SPIDR: variants seen among roughly 807,000 people sequenced by gnomAD.
SPIDR encodes scaffold protein involved in DNA repair, also known as DNA repair-scaffolding protein.
In SPIDR, 93 loss-of-function variants were observed where a neutral mutation model predicts 104.6. The observed-to-expected ratio is 0.89, with a 90% CI of 0.75 to 1.06. The LOEUF is 1.06. Among genes scored for constraint, SPIDR ranks in the 50% least tolerant of loss-of-function variants. The pLI is 0.00. For missense variants in SPIDR, 1,154 were observed against 1,111.2 expected (o/e 1.04, Z -0.55); for synonymous variants, 431 against 416.9 (o/e 1.03, Z -0.41).
chr8:47,735,991 A>C lies in SPIDR; in HGVS notation c.*541A>C, dbSNP rs1397555347. 9.7e-6 allele frequency: 2 copies of C among 205,628 alleles called. No homozygotes were observed. The highest frequency in any genetic ancestry group is 2.7e-4 in the East Asian group (2 of 7,282). 12.7% of individuals were successfully genotyped at this position (205,628 alleles called of 1,614,324 possible). A position where few individuals can be genotyped will look rare whatever the true frequency, so the allele number is the denominator to read the frequency against. ...GGTGAAACTGTTACCCATAAAGTGT[A>C]GCTCTCTGAACTGGTGTGATCGTGT... On this transcript the variant is annotated 3_prime_UTR_variant, in exon 20 of 20. Transcript: ENST00000297423.
chr8:47,695,587 A>T (rs980890472), intron 11 of SPIDR, among the ~76,000 whole-genome samples: 1 of 152,236 alleles, frequency 6.6e-6, no homozygotes, highest in Non-Finnish European at 1.5e-5. Context: ...ATGAGACAGT[A>T]TCAGATGGAA....
At chr8:47,511,676 G>C in intron 8 of SPIDR, 1 of 860,906 alleles carries the variant, frequency 1.2e-6, no homozygotes, top group Non-Finnish European at 2.0e-6. Context: ...GCTGCCCCAA[G>C]GCCATAGCCA....
chr8:47,417,673 G>C (rs1205409707), intron 7 of SPIDR, among the ~76,000 whole-genome samples: 8 of 152,154 alleles, frequency 5.3e-5, no homozygotes, highest in Admixed American at 3.9e-4. Flanking sequence ...ATTGCTTTTG[G>C]TGTTTTAGAC....
At chr8:47,625,330 A>T (rs2065884860) in intron 10 of SPIDR, among the ~76,000 whole-genome samples, 1 of 152,206 alleles carries the variant, frequency 6.6e-6, no homozygotes, top group Non-Finnish European at 1.5e-5. Flanking sequence ...CTGGCACAAG[A>T]CAGGGATGCC....
At chr8:47,268,768 T>A (rs374704698) in intron 1 of SPIDR, among the ~76,000 whole-genome samples, 4,538 of 152,234 alleles carry the variant, frequency 0.03, 216 homozygotes, top group African/African-American at 0.1. Flanking sequence ...TCCATTGATT[T>A]TTTTAAATAT....
chr8:47,627,741 G>C (rs2066421065), intron 10 of SPIDR, among the ~76,000 whole-genome samples: 1 of 151,858 alleles, frequency 6.6e-6, no homozygotes, highest in African/African-American at 2.4e-5. Flanking sequence ...TGCACACTCT[G>C]TTCAGTAAAC....
At chr8:47,633,221 A>C (rs1315731377) in intron 10 of SPIDR, among the ~76,000 whole-genome samples, 2 of 152,206 alleles carry the variant, frequency 1.3e-5, no homozygotes, top group African/African-American at 4.8e-5. Flanking sequence ...GTCTGTAATC[A>C]GGAGTTAGGC....
intron 8 of SPIDR, among the ~76,000 whole-genome samples, chr8:47,520,125 A>T (rs1204771613): frequency 6.6e-6 from 1 of 152,186 alleles, no homozygotes; most frequent in Non-Finnish European, 1.5e-5. Flanking sequence ...CTGTTATTTG[A>T]TTCCCACTTA....
intron 10 of SPIDR, among the ~76,000 whole-genome samples, chr8:47,647,616 A>AAGAG (rs369414271): frequency 0.022 from 1,328 of 60,458 alleles, 29 homozygotes; most frequent in Middle Eastern, 0.078. Context: ...TCCATCTCGA[A>AAGAG]AGAGAGAGAG....
rs189680255 is a variant in SPIDR, at chr8:47,322,829, A to G, written c.525+28799A>G. ...TGGAAACCATCATTCTCAGCAAACT[A>G]TCAGAAGGACAAAAAACCAAACAGC... is the stretch of plus-strand genomic sequence containing the variant. On this transcript the variant is annotated intron_variant, in intron 5 of 19. Transcript: ENST00000297423. Among the ~76,000 whole-genome samples the G allele has an allele frequency of 3.6e-3, 543 of 152,240 alleles. 7 individuals are homozygous for G. The highest frequency in any genetic ancestry group is 0.012 in the African/African-American group (515 of 41,542).
intron 5 of SPIDR, among the ~76,000 whole-genome samples, chr8:47,364,321 T>A (rs1026322549): frequency 2.0e-5 from 3 of 152,214 alleles, no homozygotes; most frequent in Non-Finnish European, 2.9e-5. Flanking sequence ...TTGACCTGTA[T>A]TCTGCAGCTG....
intron 5 of SPIDR, among the ~76,000 whole-genome samples, chr8:47,359,800 C>G (rs1205718737): frequency 2.0e-5 from 3 of 152,150 alleles, no homozygotes; most frequent in Non-Finnish European, 2.9e-5. Flanking sequence ...CTGCCAGCCT[C>G]TTTCTCTTAA....
intron 8 of SPIDR, among the ~76,000 whole-genome samples, chr8:47,567,530 A>G (rs938509987): frequency 6.6e-6 from 1 of 152,074 alleles, no homozygotes; most frequent in Admixed American, 6.6e-5. Context: ...GAGGATAAAC[A>G]ATATTTCTGA....
intron 7 of SPIDR, among the ~76,000 whole-genome samples, chr8:47,413,566 T>C (rs1262272638): frequency 2.0e-5 from 3 of 152,266 alleles, no homozygotes; most frequent in African/African-American, 7.2e-5. Context: ...TGAATTTTGC[T>C]GATGTTATTA....
intron 14 of SPIDR, among the ~76,000 whole-genome samples, chr8:47,708,903 G>A (rs1389340748): frequency 6.6e-6 from 1 of 151,820 alleles, no homozygotes; most frequent in East Asian, 1.9e-4. Flanking sequence ...ACATAGTTCA[G>A]TTTAGTTATT....
At chr8:47,676,805 C>T (rs1247189432) in intron 11 of SPIDR, among the ~76,000 whole-genome samples, 1 of 152,214 alleles carries the variant, frequency 6.6e-6, no homozygotes, top group Non-Finnish European at 1.5e-5. Context: ...TGTTGAATGG[C>T]TGTGTTGCAG....
intron 5 of SPIDR, among the ~76,000 whole-genome samples, chr8:47,342,164 A>T (rs1193793878): frequency 1.3e-5 from 2 of 152,022 alleles, no homozygotes; most frequent in African/African-American, 4.8e-5. Context: ...GTTTATCGTC[A>T]TATGGAATTG....
At chr8:47,545,363 C>G (rs2089168965) in intron 8 of SPIDR, among the ~76,000 whole-genome samples, 1 of 151,770 alleles carries the variant, frequency 6.6e-6, no homozygotes. Flanking sequence ...GCCACTGTGC[C>G]CGGCCTTTTT....
At chr8:47,628,659 T>C (rs1288533347) in intron 10 of SPIDR, among the ~76,000 whole-genome samples, 1 of 152,176 alleles carries the variant, frequency 6.6e-6, no homozygotes, top group Non-Finnish European at 1.5e-5. Flanking sequence ...CCCCAAGATA[T>C]CTTATTATGT....
Sources: gnomAD v4.1 joint callset for allele counts (sites outside exome capture counted in the v4.1 genomes callset) on GRCh38, gnomAD v4.1.1 for gene constraint, MANE v1.5 for transcripts, NCBI Gene and HGNC (gene_info 2026-07-23, HGNC 2026-07-21) for gene names.